CSMD3: variants seen among roughly 807,000 people sequenced by gnomAD.
CSMD3 encodes the protein CUB and Sushi multiple domains 3, also known as CUB and sushi domain-containing protein 3.
In CSMD3, 177 loss-of-function variants were observed where a neutral mutation model predicts 435.2. The observed-to-expected ratio is 0.41, with a 90% CI of 0.36 to 0.46. The LOEUF is 0.46. Among genes scored for constraint, CSMD3 ranks in the 20% least tolerant of loss-of-function variants. The probability of loss-of-function intolerance (pLI) is 0.34; values close to 1 mark genes in which losing one functional copy is unlikely to be tolerated. For missense variants in CSMD3, 4,265 were observed against 4,504.6 expected (o/e 0.95, Z 1.52); for synonymous variants, 1,656 against 1,520.5 (o/e 1.09, Z -2.07).
chr8:113,106,180 A>G (rs2090470118), intron 4 of CSMD3, among the ~76,000 whole-genome samples: 1 of 152,098 alleles, frequency 6.6e-6, no homozygotes, highest in Non-Finnish European at 1.5e-5. Context: ...GTTAGAGAAT[A>G]TATAACCACA....
At chr8:112,248,628 T>A (rs928207472) in intron 63 of CSMD3, among the ~76,000 whole-genome samples, 1 of 152,090 alleles carries the variant, frequency 6.6e-6, no homozygotes, top group Non-Finnish European at 1.5e-5. Flanking sequence ...TTCCCCTTAA[T>A]TCCTACCCCC....
At chr8:113,354,625 T>C (rs369538790) in intron 1 of CSMD3, among the ~76,000 whole-genome samples, 1 of 152,074 alleles carries the variant, frequency 6.6e-6, no homozygotes, top group East Asian at 1.9e-4. Flanking sequence ...AAATTTGTTA[T>C]TGTTGTTGTT....
At chr8:112,634,240 A>G (rs886302466) in intron 22 of CSMD3, among the ~76,000 whole-genome samples, 3 of 152,000 alleles carry the variant, frequency 2.0e-5, no homozygotes, top group Non-Finnish European at 2.9e-5. Flanking sequence ...AGACTAAAAT[A>G]TGGAAAAAAA....
intron 3 of CSMD3, among the ~76,000 whole-genome samples, chr8:113,204,096 A>G (rs1343518545): frequency 2.0e-5 from 3 of 152,150 alleles, no homozygotes; most frequent in Admixed American, 6.6e-5. Context: ...TGCCAATTTC[A>G]TCATGAAGAG....
intron 4 of CSMD3, among the ~76,000 whole-genome samples, chr8:113,137,070 G>A (rs143118237): frequency 1.7e-4 from 26 of 151,700 alleles, no homozygotes; most frequent in Non-Finnish European, 3.1e-4. Flanking sequence ...ATGAGACTGA[G>A]AGTACAATTC....
chr8:112,630,391 G>A (rs965950402), intron 22 of CSMD3, among the ~76,000 whole-genome samples: 1 of 152,082 alleles, frequency 6.6e-6, no homozygotes, highest in Non-Finnish European at 1.5e-5. Flanking sequence ...AGAAAGAGTA[G>A]GTTTTAAGCT....
chr8:112,823,935 G>T (rs1212767036), intron 12 of CSMD3, among the ~76,000 whole-genome samples: 1 of 151,996 alleles, frequency 6.6e-6, no homozygotes, highest in Non-Finnish European at 1.5e-5. Context: ...AAAGTCTTCT[G>T]CTACTATTGT....
At chr8:113,181,132 G>A (rs1050136279) in intron 3 of CSMD3, among the ~76,000 whole-genome samples, 14 of 151,904 alleles carry the variant, frequency 9.2e-5, no homozygotes, top group Non-Finnish European at 1.8e-4. Context: ...TGTCTTAGCT[G>A]GGCTGCCTAA....
rs1377012777 is a variant in CSMD3 at position 112,975,962 on chromosome 8, A to T, written c.1217T>A (p.Leu406Gln). 1 of 1,614,052 alleles carries T rather than the reference A, an allele frequency of 6.2e-7. No individual in the cohort carries two copies. Among genetic ancestry groups the T allele is most frequent in the Non-Finnish European group, 8.5e-7 (1 of 1,179,964 alleles). The change falls in exon 7 of 71, where the codon CTG (leucine) becomes CAG (glutamine). Residue 406 changes from leucine (L) to glutamine (Q), a missense_variant. Leu to Gln is a moderately radical substitution (Grantham distance 113, BLOSUM62 -2). This residue lies in a region of CSMD3 where 731 missense variants were observed against 755.4 expected (regional missense o/e 0.97). Transcript: ENST00000297405. Reference protein sequence around the residue: ...VQVTSLRNSGLDPNTSKDGLS... With the variant: ...VQVTSLRNSGQDPNTSKDGLS... ...CCCGTCCTTGGACGTGTTGGGGTCC[A>T]GACCTGAATTTCTGAGACTCGTAAC...
intron 7 of CSMD3, among the ~76,000 whole-genome samples, chr8:112,969,948 G>A (rs1035011615): frequency 2.0e-5 from 3 of 151,942 alleles, no homozygotes; most frequent in Non-Finnish European, 4.4e-5. Flanking sequence ...GTTATTTCAA[G>A]TTTAACATCA....
intron 9 of CSMD3, among the ~76,000 whole-genome samples, 189 bp from the exon 10 acceptor site, chr8:112,921,940 T>C (rs1361761682): frequency 3.3e-5 from 5 of 152,108 alleles, no homozygotes; most frequent in African/African-American, 4.8e-5. Flanking sequence ...ATCTTGTTAA[T>C]AGATGTAGAA....
At chr8:113,199,251 C>T (rs1564418018) in intron 3 of CSMD3, among the ~76,000 whole-genome samples, 1 of 151,356 alleles carries the variant, frequency 6.6e-6, no homozygotes, top group African/African-American at 2.4e-5. Context: ...AGACAATTCT[C>T]AAGGTCAACA....
At chr8:113,014,538 G>A (rs1165025495) in intron 6 of CSMD3, among the ~76,000 whole-genome samples, 2 of 151,878 alleles carry the variant, frequency 1.3e-5, no homozygotes, top group African/African-American at 4.8e-5. Context: ...GGTTGTGGGT[G>A]GCAGAAAATA....
intron 12 of CSMD3, among the ~76,000 whole-genome samples, chr8:112,814,114 T>A (rs1436476151): frequency 6.6e-6 from 1 of 152,300 alleles, no homozygotes; most frequent in African/African-American, 2.4e-5. Flanking sequence ...CAGAAGTTTA[T>A]ATATCATCTT....
chr8:113,435,028 G>A (rs759304948), intron 1 of CSMD3, among the ~76,000 whole-genome samples: 2 of 152,226 alleles, frequency 1.3e-5, no homozygotes, highest in Non-Finnish European at 2.9e-5. Flanking sequence ...CGCGAAGCGC[G>A]CGTCTAGCAG....
intron 59 of CSMD3, among the ~76,000 whole-genome samples, chr8:112,275,398 TTA>T (rs1317792884): frequency 1.3e-5 from 2 of 151,818 alleles, no homozygotes; most frequent in African/African-American, 4.8e-5. Context: ...AAATACAAAA[TTA>T]GCCAGGCATG....
At chr8:112,981,738 A>G (rs961757244) in intron 6 of CSMD3, among the ~76,000 whole-genome samples, 79 of 151,876 alleles carry the variant, frequency 5.2e-4, no homozygotes, top group African/African-American at 1.8e-3. Context: ...TATATGCAAG[A>G]TAAGGATCTC....
chr8:112,642,923 T>A (rs1361023695), intron 20 of CSMD3, among the ~76,000 whole-genome samples: 2 of 152,214 alleles, frequency 1.3e-5, no homozygotes, highest in Non-Finnish European at 2.9e-5. Flanking sequence ...TGCCATGATG[T>A]GTTCAGTTTT....
At chr8:112,720,462 G>A (rs1189887423) in intron 13 of CSMD3, among the ~76,000 whole-genome samples, 1 of 152,136 alleles carries the variant, frequency 6.6e-6, no homozygotes, top group Non-Finnish European at 1.5e-5. Flanking sequence ...ATCCTCTACA[G>A]TGAAAACCAA....
Sources: allele counts gnomAD v4.1 joint callset (sites outside exome capture counted in the v4.1 genomes callset), GRCh38; gene constraint gnomAD v4.1.1; regional missense constraint gnomAD v4.1.1; transcripts MANE v1.5; gene names NCBI Gene and HGNC (gene_info 2026-07-23, HGNC 2026-07-21).